The following KCNB2 variants were observed in gnomAD, a reference collection of about 807,000 sequenced individuals.
KCNB2 encodes delayed rectifier potassium channel protein.
Under a neutral mutation model 61.5 loss-of-function variants are expected in KCNB2, and 15 were observed. The observed-to-expected ratio is 0.24, with a 90% CI of 0.16 to 0.38. The LOEUF is 0.38. Ranked by LOEUF, KCNB2 falls within the 10% of genes least tolerant of loss-of-function variation. The probability of loss-of-function intolerance (pLI) is 1.00; values close to 1 mark genes in which losing one functional copy is unlikely to be tolerated. For missense variants in KCNB2, 828 were observed against 1,125.2 expected, an observed-to-expected ratio of 0.74 and a Z score of 3.78; for synonymous variants, 457 against 446.0, an observed-to-expected ratio of 1.02 and a Z score of -0.31.
At chr8:72,664,273 G>A (rs1347675285) in intron 2 of KCNB2, among the ~76,000 whole-genome samples, 1 of 152,168 alleles carries the variant, frequency 6.6e-6, no homozygotes, top group Non-Finnish European at 1.5e-5. Context: ...GCCAGCCCAG[G>A]GATTACGTAA....
chr8:72,896,441 A>T (rs1238206989), intron 2 of KCNB2, among the ~76,000 whole-genome samples: 1 of 152,168 alleles, frequency 6.6e-6, no homozygotes, highest in African/African-American at 2.4e-5. Flanking sequence ...TGAATTAGTA[A>T]ATGAAACGTT....
intron 2 of KCNB2, among the ~76,000 whole-genome samples, chr8:72,909,294 A>G (rs1464282435): frequency 6.6e-6 from 1 of 152,174 alleles, no homozygotes; most frequent in African/African-American, 2.4e-5. Flanking sequence ...AGGAGAGTTA[A>G]TCAAGGGAGA....
intron 2 of KCNB2, among the ~76,000 whole-genome samples, chr8:72,932,457 A>G (rs1221281355): frequency 6.6e-6 from 1 of 152,070 alleles, no homozygotes; most frequent in East Asian, 1.9e-4. Context: ...AAGTTTGGGG[A>G]GTTCCTTCAG....
chr8:72,619,493 A>AT (rs1805680222), intron 2 of KCNB2: 1 of 213,256 alleles, frequency 4.7e-6, no homozygotes, highest in Non-Finnish European at 9.5e-6. Context: ...TGGGTATGAG[A>AT]TTTTGAGTAT....
intron 2 of KCNB2, among the ~76,000 whole-genome samples, chr8:72,620,756 C>G (rs951106121): frequency 1.3e-5 from 2 of 152,018 alleles, no homozygotes; most frequent in Non-Finnish European, 2.9e-5. Flanking sequence ...TTACAGGTGC[C>G]TGCTACCACA....
chr8:72,873,977 T>C (rs1202857792), intron 2 of KCNB2, among the ~76,000 whole-genome samples: 1 of 152,248 alleles, frequency 6.6e-6, no homozygotes. Context: ...AGATAGAGTG[T>C]CATTTACAGT....
intron 2 of KCNB2, among the ~76,000 whole-genome samples, chr8:72,633,470 T>C (rs1805914270): frequency 6.6e-6 from 1 of 152,172 alleles, no homozygotes; most frequent in South Asian, 2.1e-4. Context: ...GCCATGTAAC[T>C]TCACATATTC....
rs556793424 is a variant in KCNB2 at position 72,545,263 on chromosome 8, G to A, written c.-94+7378G>A. Among the ~76,000 whole-genome samples the A allele has an allele frequency of 9.9e-5, 15 of 152,138 alleles. No homozygotes were observed. In the South Asian group the frequency reaches 3.1e-3, roughly 32 times the overall value. On this transcript the variant is annotated intron_variant, in intron 1 of 2. Coordinates refer to ENST00000523207, the MANE Select transcript of KCNB2 (RefSeq NM_004770.3). The stretch of plus-strand genomic sequence containing the variant: ...GCAAGTTATCAGCCTCCAATATACA[G>A]GCATACCTCATTTTTATGGTGCTTT...
intron 2 of KCNB2, among the ~76,000 whole-genome samples, chr8:72,814,143 T>C (rs189748285): frequency 1.2e-4 from 18 of 152,328 alleles, no homozygotes; most frequent in Admixed American, 6.5e-5. Flanking sequence ...TGTTTGATGT[T>C]ATTTTTGTAC....
At chr8:72,777,001 G>A (rs560360321) in intron 2 of KCNB2, among the ~76,000 whole-genome samples, 1 of 152,118 alleles carries the variant, frequency 6.6e-6, no homozygotes, top group Non-Finnish European at 1.5e-5. Flanking sequence ...AAATGGAATA[G>A]TCCCCCAGAA....
intron 2 of KCNB2, among the ~76,000 whole-genome samples, chr8:72,911,672 G>A (rs1437128901): frequency 2.0e-5 from 3 of 152,204 alleles, no homozygotes; most frequent in Admixed American, 1.3e-4. Context: ...CTTGCAGCGG[G>A]TGATTCTTAT....
chr8:72,883,731 A>G (rs530534359), intron 2 of KCNB2, among the ~76,000 whole-genome samples: 20 of 152,284 alleles, frequency 1.3e-4, no homozygotes, highest in South Asian at 2.1e-4. Context: ...ATTATTTTAA[A>G]TATACTTTTT....
At chr8:72,932,923 T>C (rs967443900) in intron 2 of KCNB2, among the ~76,000 whole-genome samples, 1 of 152,202 alleles carries the variant, frequency 6.6e-6, no homozygotes, top group African/African-American at 2.4e-5. Context: ...TATTGAATCA[T>C]TTATCTAAAG....
chr8:72,857,497 G>A (rs1244570885), intron 2 of KCNB2, among the ~76,000 whole-genome samples: 3 of 152,114 alleles, frequency 2.0e-5, no homozygotes, highest in Non-Finnish European at 4.4e-5. Context: ...GGCTGGAGAA[G>A]TAGGTTGGAG....
intron 2 of KCNB2, among the ~76,000 whole-genome samples, chr8:72,839,705 C>T (rs1809846673): frequency 6.7e-6 from 1 of 148,630 alleles, no homozygotes. Flanking sequence ...CTCCGCCTCC[C>T]GGGTTCACAC....
chr8:72,696,218 C>G (rs1163234488), intron 2 of KCNB2, among the ~76,000 whole-genome samples: 1 of 152,094 alleles, frequency 6.6e-6, no homozygotes, highest in Non-Finnish European at 1.5e-5. Flanking sequence ...GGCAAGAGTT[C>G]AAGAGTGAAT....
chr8:72,708,370 C>T (rs189892463), intron 2 of KCNB2, among the ~76,000 whole-genome samples: 3 of 152,162 alleles, frequency 2.0e-5, no homozygotes, highest in Admixed American at 1.3e-4. Context: ...AACAGCTAAG[C>T]GCTCGTGGAG....
intron 2 of KCNB2, among the ~76,000 whole-genome samples, chr8:72,649,041 C>T (rs1171510139): frequency 1.3e-5 from 2 of 151,996 alleles, no homozygotes; most frequent in Admixed American, 1.3e-4. Flanking sequence ...ACCATGCCTT[C>T]TGTGTTTTTC....
Position 72,703,929 on chromosome 8 carries a change from T to C in KCNB2, c.579+135616T>C, listed in dbSNP as rs139512602. ...TCTATTAATTTCACTGTTAGTAGTA[T>C]GTTGCCTTTGATTCTATGCTTAAAA... On this transcript the variant is annotated intron_variant, in intron 2 of 2. Coordinates refer to ENST00000523207, the MANE Select transcript of KCNB2 (RefSeq NM_004770.3). Among the ~76,000 whole-genome samples, 323 of 152,342 alleles carry C rather than the reference T, an allele frequency of 2.1e-3. 3 individuals carry two copies. Among genetic ancestry groups the C allele is most frequent in the African/African-American group, 7.3e-3 (303 of 41,578 alleles).
Sources: allele counts gnomAD v4.1 joint callset (sites outside exome capture counted in the v4.1 genomes callset), GRCh38; gene constraint gnomAD v4.1.1; transcripts MANE v1.5; gene names NCBI Gene and HGNC (gene_info 2026-07-23, HGNC 2026-07-21).